TSPAN7: variants seen among roughly 807,000 people sequenced by gnomAD.
TSPAN7 encodes tetraspanin-7.
In TSPAN7, 1 loss-of-function variant was observed where a neutral mutation model predicts 17.6. The observed-to-expected ratio is 0.06, with a 90% confidence interval of 0.02 to 0.27. The LOEUF is 0.27. Ranked by LOEUF, TSPAN7 falls within the 10% of genes least tolerant of loss-of-function variation. TSPAN7 has a pLI of 1.00. For synonymous variants in TSPAN7, 78 were observed against 79.0 expected, an observed-to-expected ratio of 0.99 and a Z score of 0.07; for missense variants, 112 against 201.7, an observed-to-expected ratio of 0.56 and a Z score of 2.69.
At chrX:38,632,377 C>A (rs1480036602) in intron 1 of TSPAN7, among the ~76,000 whole-genome samples, 1 of 112,161 alleles carries the variant, frequency 8.9e-6, no homozygotes, top group Non-Finnish European at 1.9e-5. Flanking sequence ...TATTTCTAAG[C>A]AACACTGTTA....
At chrX:38,651,261 C>T (rs1470238916) in intron 1 of TSPAN7, among the ~76,000 whole-genome samples, 1 of 110,177 alleles carries the variant, frequency 9.1e-6, no homozygotes, top group Non-Finnish European at 1.9e-5. Context: ...GTCAGGAGAT[C>T]GAGACCGGCC....
intron 2 of TSPAN7, among the ~76,000 whole-genome samples, chrX:38,667,838 A>T (rs975582728): frequency 2.7e-5 from 3 of 111,866 alleles, no homozygotes; most frequent in Non-Finnish European, 5.6e-5. Flanking sequence ...CCTCAACTCC[A>T]GATACATGAT....
chrX:38,662,142 G>A (rs1224904566), intron 1 of TSPAN7, among the ~76,000 whole-genome samples: 2 of 111,170 alleles, frequency 1.8e-5, no homozygotes, highest in Admixed American at 9.6e-5. Flanking sequence ...AACACCCGCC[G>A]CACGTCCACC....
At chrX:38,567,148 C>A (rs1219029201) in intron 1 of TSPAN7, among the ~76,000 whole-genome samples, 1 of 110,706 alleles carries the variant, frequency 9.0e-6, no homozygotes, top group African/African-American at 3.3e-5. Flanking sequence ...AGGGAAAAGT[C>A]TTAAAGAGCA....
intron 1 of TSPAN7, among the ~76,000 whole-genome samples, chrX:38,649,351 C>T (rs1185704114): frequency 8.9e-6 from 1 of 112,357 alleles, no homozygotes; most frequent in Non-Finnish European, 1.9e-5. Context: ...AAGGATCCTG[C>T]CAATGCCATT....
chrX:38,669,633 A>C (rs1442587567), intron 2 of TSPAN7, among the ~76,000 whole-genome samples: 1 of 112,481 alleles, frequency 8.9e-6, no homozygotes, highest in Non-Finnish European at 1.9e-5. Flanking sequence ...AAAACTGCTG[A>C]TTCGGCTGAT....
At chrX:38,683,058 G>A (rs1460366395) in intron 6 of TSPAN7, among the ~76,000 whole-genome samples, 1 of 111,797 alleles carries the variant, frequency 8.9e-6, no homozygotes, top group African/African-American at 3.3e-5. Context: ...AGCTATCCTA[G>A]AACCATAAAG....
At chrX:38,668,347 T>C (rs1256939471) in intron 2 of TSPAN7, among the ~76,000 whole-genome samples, 1 of 112,098 alleles carries the variant, frequency 8.9e-6, no homozygotes, top group African/African-American at 3.2e-5. Flanking sequence ...AAATAGGATA[T>C]GTGTATAAAC....
intron 1 of TSPAN7, among the ~76,000 whole-genome samples, chrX:38,599,928 G>A (rs185618840): frequency 4.5e-5 from 5 of 111,679 alleles, no homozygotes; most frequent in South Asian, 7.5e-4. Flanking sequence ...TAGAATCCTT[G>A]AAATCTCTTT....
chrX:38,581,003 C>T (rs144030168), intron 1 of TSPAN7, among the ~76,000 whole-genome samples: 6 of 112,422 alleles, frequency 5.3e-5, no homozygotes, highest in Non-Finnish European at 7.5e-5. Context: ...CTCTGTTTTC[C>T]GCAAAGGTCA....
intron 1 of TSPAN7, chrX:38,562,849 G>A (rs917880684): frequency 2.2e-6 from 1 of 454,145 alleles, no homozygotes; most frequent in African/African-American, 2.6e-5. Flanking sequence ...TAGCTTCTAC[G>A]GCAGTCATTT....
chrX:38,566,271 GC>G (rs1321803260), intron 1 of TSPAN7: 1 of 819,167 alleles, frequency 1.2e-6, no homozygotes, highest in African/African-American at 2.2e-5. Flanking sequence ...TCACCTGAAT[GC>G]TGTGTAAACT....
chrX:38,636,075 GTTATTTATTTATTTAT>G (rs146991452), intron 1 of TSPAN7, among the ~76,000 whole-genome samples: 39 of 102,380 alleles, frequency 3.8e-4, no homozygotes, highest in Non-Finnish European at 6.1e-4. Flanking sequence ...TTTTCATTTT[GTTATTTATTTATTTAT>G]TTATTTATTT....
chrX:38,630,872 G>T (rs754450306), intron 1 of TSPAN7, among the ~76,000 whole-genome samples: 6 of 111,552 alleles, frequency 5.4e-5, no homozygotes, highest in Non-Finnish European at 1.1e-4. Context: ...CTACCTCTGC[G>T]CTATGTGAGA....
At chrX:38,644,551 T>C in intron 1 of TSPAN7, among the ~76,000 whole-genome samples, 1 of 111,625 alleles carries the variant, frequency 9.0e-6, no homozygotes, top group Non-Finnish European at 1.9e-5. Flanking sequence ...TCAACCCCCG[T>C]CTGTAATAGA....
chrX:38,592,411 G>A (rs763208522), intron 1 of TSPAN7, among the ~76,000 whole-genome samples: 43 of 111,191 alleles, frequency 3.9e-4, no homozygotes, highest in Non-Finnish European at 6.0e-4. Context: ...TATATTTTTA[G>A]GTTCAGATCT....
At chrX:38,606,906 A>C (rs748506880) in intron 1 of TSPAN7, among the ~76,000 whole-genome samples, 14 of 111,857 alleles carry the variant, frequency 1.3e-4, no homozygotes, top group Non-Finnish European at 2.4e-4. Flanking sequence ...TGGAAATGTA[A>C]ATTATTTTGT....
intron 1 of TSPAN7, among the ~76,000 whole-genome samples, chrX:38,634,427 A>T (rs1394642055): frequency 8.9e-6 from 1 of 112,446 alleles, no homozygotes; most frequent in African/African-American, 3.2e-5. Flanking sequence ...CCTGTTAGAG[A>T]TCTGTCCTGC....
chrX:38,675,454 C>T (rs2069847036), intron 4 of TSPAN7, among the ~76,000 whole-genome samples: 1 of 112,107 alleles, frequency 8.9e-6, no homozygotes, highest in South Asian at 3.7e-4. Context: ...CACAGACGCA[C>T]TGCTTTGCTT....
Sources: allele counts gnomAD v4.1 joint callset (sites outside exome capture counted in the v4.1 genomes callset), GRCh38; gene constraint gnomAD v4.1.1; transcripts MANE v1.5; gene names NCBI Gene and HGNC (gene_info 2026-07-23, HGNC 2026-07-21).